The following CLDN18 variants were observed in gnomAD, a reference collection of about 807,000 sequenced individuals.
CLDN18 encodes claudin 18.
Under a neutral mutation model 25.0 loss-of-function variants are expected in CLDN18, and 20 were observed. That is an observed-to-expected ratio of 0.80 (90% CI 0.56 to 1.16). CLDN18 has a LOEUF of 1.16. CLDN18 is among the 50% of genes most tolerant of loss of function. The pLI is 0.00. For synonymous variants in CLDN18, 125 were observed against 135.6 expected, an observed-to-expected ratio of 0.92 and a Z score of 0.54; for missense variants, 297 against 345.4, an observed-to-expected ratio of 0.86 and a Z score of 1.11.
intron 1 of CLDN18, among the ~76,000 whole-genome samples, chr3:138,001,042 A>T (rs1486738737): frequency 6.6e-6 from 1 of 152,280 alleles, no homozygotes; most frequent in Non-Finnish European, 1.5e-5. Flanking sequence ...CAACTGCCTT[A>T]CAATATTTTG....
intron 3 of CLDN18, among the ~76,000 whole-genome samples, chr3:138,025,738 T>C (rs1942319614): frequency 2.0e-5 from 3 of 152,228 alleles, no homozygotes; most frequent in Admixed American, 2.0e-4. Context: ...CCTGGGACTT[T>C]CCCAGTTTTA....
chr3:138,024,648 C>G lies in CLDN18; in HGVS notation c.427C>G (p.Leu143Val). ...TGGAGTGTCTGTGTTTGCCAACATG[C>G]TGGTGACTAACTTCTGGATGTCCAC... ...IAGVSVFANM[L>V]VTNFWMSTAN... The change falls in exon 3 of 5, where the codon CTG becomes GTG. Residue 143 changes from leucine to valine, a missense_variant. Physicochemically the swap from Leu to Val is conservative, Grantham distance 32. Coordinates refer to ENST00000183605, the MANE Select transcript of CLDN18 (RefSeq NM_016369.4). 6.2e-7 allele frequency: 1 copy of G among 1,613,826 alleles called. No homozygotes were observed. The highest frequency in any genetic ancestry group is 8.5e-7 in the Non-Finnish European group (1 of 1,179,702).
At chr3:138,012,122 C>G (rs555363187) in intron 1 of CLDN18, among the ~76,000 whole-genome samples, 11 of 152,286 alleles carry the variant, frequency 7.2e-5, no homozygotes, top group African/African-American at 1.9e-4. Context: ...TGGCCTCCTT[C>G]CTGGGGAAAT....
intron 1 of CLDN18, chr3:138,004,689 C>T (rs931907159): frequency 1.3e-5 from 2 of 151,762 alleles, no homozygotes; most frequent in African/African-American, 4.8e-5. Flanking sequence ...TTGCAGAAGT[C>T]ATTGACTAGC....
chr3:138,012,972 C>A (rs1368053937), intron 1 of CLDN18, among the ~76,000 whole-genome samples: 2 of 152,178 alleles, frequency 1.3e-5, no homozygotes, highest in Non-Finnish European at 2.9e-5. Context: ...GTTATTTGTA[C>A]ATTTGTGTCA....
intron 1 of CLDN18, 126 bp downstream of exon 1, chr3:138,010,571 G>T: frequency 8.2e-7 from 1 of 1,220,120 alleles, no homozygotes; most frequent in Non-Finnish European, 1.1e-6. Context: ...AATGAAAGGT[G>T]TGAATAAAAG....
chr3:138,031,163 G>T lies in CLDN18; in HGVS notation c.*22G>T. 1 of 1,568,052 alleles carries T rather than the reference G, an allele frequency of 6.4e-7. No homozygotes were observed. Among genetic ancestry groups the T allele is most frequent in the South Asian group, 1.2e-5 (1 of 84,742 alleles). The stretch of plus-strand genomic sequence containing the variant: ...GTAATGCTCTAAGACCTCTCAGCAC[G>T]GGCGGAAGAAACTCCCGGAGAGCTC... On this transcript the variant is annotated 3_prime_UTR_variant, in exon 5 of 5. Coordinates refer to ENST00000183605, the MANE Select transcript of CLDN18 (RefSeq NM_016369.4).
chr3:138,010,379 A>T lies in CLDN18; in HGVS notation c.154A>T (p.Ser52Cys), dbSNP rs753226794. The change falls in exon 1 of 5, where the codon AGC becomes TGC. Residue 52 changes from serine (S) to cysteine (C), a missense_variant. Transcript: ENST00000183605. ...GTTCCAGTACGAAGGGCTCTGGAGG[A>T]GCTGCGTGAGGCAGAGTTCAGGCTT... Reference protein sequence around the residue: ...SVFQYEGLWRSCVRQSSGFTE... With the variant: ...SVFQYEGLWRCCVRQSSGFTE... 3.5e-5 allele frequency: 57 copies of T among 1,614,074 alleles called. No homozygotes were observed. The highest frequency in any genetic ancestry group is 4.7e-5 in the Non-Finnish European group (55 of 1,180,040).
intron 1 of CLDN18, 31 bp downstream of exon 1, chr3:138,010,476 G>A (rs1942123904): frequency 2.5e-6 from 4 of 1,611,300 alleles, no homozygotes; most frequent in Non-Finnish European, 8.5e-7. Flanking sequence ...GGTAGAGCCA[G>A]GTGAACCAGG....
chr3:138,004,461 GT>G (rs1029923460), intron 1 of CLDN18, among the ~76,000 whole-genome samples: 18 of 146,954 alleles, frequency 1.2e-4, no homozygotes, highest in East Asian at 4.0e-4. Context: ...AAAAACGAAA[GT>G]TTTTTTTTTT....
intron 1 of CLDN18, among the ~76,000 whole-genome samples, chr3:138,016,455 C>T (rs1576409449): frequency 6.6e-6 from 1 of 152,120 alleles, no homozygotes; most frequent in East Asian, 1.9e-4. Context: ...TGACCTGCAT[C>T]CCATTCACAC....
intron 4 of CLDN18, 55 bp downstream of exon 4, chr3:138,029,962 T>A: frequency 8.8e-7 from 1 of 1,138,760 alleles, no homozygotes; most frequent in Non-Finnish European, 1.3e-6. Context: ...GGGTCTATTT[T>A]AATGTATAAC....
chr3:138,010,532 G>T, intron 1 of CLDN18, 87 bp downstream of exon 1: 1 of 1,527,146 alleles, frequency 6.5e-7, no homozygotes, highest in Non-Finnish European at 9.0e-7. Flanking sequence ...TCCCACCTCT[G>T]GGTGAGGACC....
intron 1 of CLDN18, among the ~76,000 whole-genome samples, chr3:138,011,410 A>C (rs927701572): frequency 6.6e-6 from 1 of 152,240 alleles, no homozygotes; most frequent in Non-Finnish European, 1.5e-5. Flanking sequence ...ATCCAAGTTC[A>C]TTTTCAGAAA....
chr3:138,023,254 G>A (rs943448706), intron 1 of CLDN18, among the ~76,000 whole-genome samples: 2 of 152,164 alleles, frequency 1.3e-5, no homozygotes, highest in Non-Finnish European at 2.9e-5. Flanking sequence ...AAATATTTAG[G>A]TTAGAAGTCA....
chr3:138,014,226 C>T (rs1163387491), intron 1 of CLDN18, among the ~76,000 whole-genome samples: 3 of 152,086 alleles, frequency 2.0e-5, no homozygotes, highest in Admixed American at 1.3e-4. Flanking sequence ...TTCAGACCCA[C>T]GAAAGGAGAG....
At chr3:138,013,166 C>G (rs1391385724) in intron 1 of CLDN18, among the ~76,000 whole-genome samples, 2 of 152,064 alleles carry the variant, frequency 1.3e-5, no homozygotes, top group African/African-American at 4.8e-5. Context: ...AAGGTCTTCC[C>G]CAAAAAGGAC....
chr3:138,017,623 G>T (rs966989833), intron 1 of CLDN18, among the ~76,000 whole-genome samples: 1 of 152,156 alleles, frequency 6.6e-6, no homozygotes, highest in Non-Finnish European at 1.5e-5. Context: ...GGTTTCACTG[G>T]TTGCGAAACC....
intron 1 of CLDN18, chr3:138,005,103 T>C (rs960643212): frequency 2.6e-5 from 4 of 152,114 alleles, no homozygotes; most frequent in Non-Finnish European, 4.4e-5. Flanking sequence ...GATAAACTGA[T>C]AGAAAAAGTG....
Sources: allele counts gnomAD v4.1 joint callset (sites outside exome capture counted in the v4.1 genomes callset), GRCh38; gene constraint gnomAD v4.1.1; transcripts MANE v1.5; gene names NCBI Gene and HGNC (gene_info 2026-07-23, HGNC 2026-07-21).